Variants in LDB3 observed in about 807,000 individuals in gnomAD.
The protein encoded by LDB3 is LIM domain-binding protein 3.
In LDB3, 49 loss-of-function variants were observed where a neutral mutation model predicts 69.0. That is an observed-to-expected ratio of 0.71 (90% CI 0.56 to 0.90). LDB3 has a LOEUF of 0.90. Ranked by LOEUF, LDB3 falls within the 40% of genes least tolerant of loss-of-function variation. The pLI is 0.00. For missense variants in LDB3, 928 were observed against 974.1 expected (o/e 0.95, Z 0.63); for synonymous variants, 387 against 396.2 (o/e 0.98, Z 0.28).
intron 8 of LDB3, 53 bp downstream of exon 8, chr10:86,706,772 G>A (rs981517880): frequency 4.5e-6 from 7 of 1,546,828 alleles, no homozygotes; most frequent in East Asian, 2.4e-5. Flanking sequence ...GGCAGGAAAC[G>A]CCCCACTCTG....
At chr10:86,700,130 C>A in intron 7 of LDB3, 1 of 890,366 alleles carries the variant, frequency 1.1e-6, no homozygotes, top group Non-Finnish European at 1.3e-6. Flanking sequence ...AGAGAGAGGA[C>A]AGGCACCATC....
At chr10:86,723,173 G>T (rs988878856) in intron 12 of LDB3, among the ~76,000 whole-genome samples, 1 of 150,608 alleles carries the variant, frequency 6.6e-6, no homozygotes, top group Non-Finnish European at 1.5e-5. Flanking sequence ...AGGAGCCTGA[G>T]GTGGGAGGAT....
Position 86,668,802 on chromosome 10 carries a change from C to T in LDB3, c.93+18C>T, listed in dbSNP as rs1412849750. The T allele has an allele frequency of 2.5e-6, 4 of 1,595,116 alleles. No individual in the cohort carries two copies. The highest frequency in any genetic ancestry group is 1.3e-5 in the African/African-American group (1 of 74,538). The stretch of plus-strand genomic sequence containing the variant: ...TCTCCCGGGTGAGTGCACCCTGCCA[C>T]AGCCTGGCACCCGATGGGGCAGGCA... On this transcript the variant is annotated intron_variant, in intron 2 of 13. Coordinates refer to ENST00000361373, the MANE Select transcript of LDB3 (RefSeq NM_007078.3).
chr10:86,710,269 T>G (rs1363131368), intron 9 of LDB3: 1 of 985,034 alleles, frequency 1.0e-6, no homozygotes, highest in Non-Finnish European at 1.2e-6. Flanking sequence ...GGTGGATGAT[T>G]CTAAGGGAGA....
At chr10:86,690,554 C>T (rs1564641929) in intron 5 of LDB3, among the ~76,000 whole-genome samples, 1 of 152,254 alleles carries the variant, frequency 6.6e-6, no homozygotes, top group Admixed American at 6.5e-5. Context: ...CACCTTTCCC[C>T]ACCTCTGCTC....
chr10:86,720,512 G>T (rs1847043474), intron 12 of LDB3, among the ~76,000 whole-genome samples: 1 of 149,880 alleles, frequency 6.7e-6, no homozygotes, highest in Non-Finnish European at 1.5e-5. Context: ...TCCCAGCTCT[G>T]AAGTTAACTG....
At chr10:86,669,845 C>T (rs1844363071) in intron 2 of LDB3, among the ~76,000 whole-genome samples, 1 of 152,206 alleles carries the variant, frequency 6.6e-6, no homozygotes, top group Non-Finnish European at 1.5e-5. Context: ...TGGGCTACTG[C>T]CCACCAGGGG....
Position 86,734,410 on chromosome 10 carries a change from A to AAGCCCTGT in LDB3, c.*1434_*1435insAGCCCTGT, listed in dbSNP as rs1847563437. 6.6e-6 allele frequency: 1 copy of AAGCCCTGT among 152,226 alleles called. No individual in the cohort carries two copies. The allele number at this position is 152,226 out of a possible 1,614,324, so 9.4% of individuals were successfully genotyped here. A position where few individuals can be genotyped will look rare whatever the true frequency, so the allele number is the denominator to read the frequency against. On this transcript the variant is annotated 3_prime_UTR_variant, in exon 14 of 14. Transcript: ENST00000361373. ...CTTCCCTTTTTAGGAAGCCCTGTTAATATGCTCATTGAAAACATGGCATTG... is the reference window on the plus strand; with the variant it reads ...CTTCCCTTTTTAGGAAGCCCTGTTAAAGCCCTGTTATGCTCATTGAAAACATGGCATTG...
chr10:86,728,239 A>G (rs1175021173), intron 13 of LDB3, among the ~76,000 whole-genome samples: 1 of 152,192 alleles, frequency 6.6e-6, no homozygotes, highest in Non-Finnish European at 1.5e-5. Context: ...CCAGGAAGAC[A>G]GTGGCACAGA....
chr10:86,706,731 A>G lies in LDB3; in HGVS notation c.1085+12A>G. ...GCCGACAGCCCAAGGTAACTGGGCCACAGGTGCTGGGCCTGACCCTGGGGA... is the reference window on the plus strand; with the variant it reads ...GCCGACAGCCCAAGGTAACTGGGCCGCAGGTGCTGGGCCTGACCCTGGGGA... On this transcript the variant is annotated intron_variant, in intron 8 of 13. Coordinates refer to ENST00000361373, the MANE Select transcript of LDB3 (RefSeq NM_007078.3). The G allele has an allele frequency of 6.2e-7, 1 of 1,607,002 alleles. No individual in the cohort carries two copies. Among genetic ancestry groups the G allele is most frequent in the Non-Finnish European group, 8.5e-7 (1 of 1,177,022 alleles).
chr10:86,723,155 A>T (rs1847141166), intron 12 of LDB3, among the ~76,000 whole-genome samples: 1 of 150,996 alleles, frequency 6.6e-6, no homozygotes, highest in Non-Finnish European at 1.5e-5. Flanking sequence ...CTGTGGTCCC[A>T]GCTGCTCAGG....
intron 2 of LDB3, among the ~76,000 whole-genome samples, chr10:86,674,993 C>T (rs1844706952): frequency 1.3e-5 from 2 of 151,902 alleles, no homozygotes; most frequent in South Asian, 4.2e-4. Flanking sequence ...TCAGCACCCC[C>T]AGCCCCCACC....
chr10:86,684,875 C>T (rs61246957), intron 5 of LDB3, among the ~76,000 whole-genome samples: 6,213 of 152,290 alleles, frequency 0.041, 340 homozygotes, highest in East Asian at 0.16. Flanking sequence ...TAAAGAAACA[C>T]AGGACAGACA....
intron 5 of LDB3, 72 bp from the exon 6 acceptor site, chr10:86,691,824 G>A: frequency 1.3e-6 from 2 of 1,560,722 alleles, no homozygotes; most frequent in Middle Eastern, 1.7e-4. Flanking sequence ...AATGGGCATG[G>A]AGCAGGGACC....
intron 7 of LDB3, among the ~76,000 whole-genome samples, chr10:86,701,040 C>T (rs974682020): frequency 2.0e-5 from 3 of 152,280 alleles, no homozygotes; most frequent in African/African-American, 7.2e-5. Context: ...CACCAGGAAG[C>T]GTTGGTGTTT....
At chr10:86,701,621 T>C (rs1312082663) in intron 7 of LDB3, among the ~76,000 whole-genome samples, 1 of 152,234 alleles carries the variant, frequency 6.6e-6, no homozygotes, top group Non-Finnish European at 1.5e-5. Flanking sequence ...AGGTTGATCA[T>C]GTATGGTCCA....
intron 12 of LDB3, among the ~76,000 whole-genome samples, chr10:86,725,240 G>A (rs961450861): frequency 6.6e-6 from 1 of 152,208 alleles, no homozygotes; most frequent in Non-Finnish European, 1.5e-5. Context: ...GAGGACAGCT[G>A]CCCTGGTGAA....
At chr10:86,689,543 C>T (rs1227051236) in intron 5 of LDB3, among the ~76,000 whole-genome samples, 1 of 152,234 alleles carries the variant, frequency 6.6e-6, no homozygotes, top group Non-Finnish European at 1.5e-5. Context: ...GCTGGGGGTG[C>T]ATACCTGTGT....
At chr10:86,689,335 G>A (rs559238603) in intron 5 of LDB3, among the ~76,000 whole-genome samples, 15 of 152,292 alleles carry the variant, frequency 9.8e-5, no homozygotes, top group South Asian at 6.2e-4. Context: ...GATGGTGTGT[G>A]TGGGTTTGGT....
Sources: allele counts gnomAD v4.1 joint callset (sites outside exome capture counted in the v4.1 genomes callset), GRCh38; gene constraint gnomAD v4.1.1; transcripts MANE v1.5; gene names NCBI Gene and HGNC (gene_info 2026-07-23, HGNC 2026-07-21).